The following SLC35F4 variants were observed in gnomAD, a reference collection of about 807,000 sequenced individuals.
SLC35F4 encodes the protein chromosome 14 open reading frame 36.
A neutral mutation model predicts 44.2 loss-of-function variants in SLC35F4; 24 were observed. The ratio of observed to expected loss-of-function variants is 0.54; its 90% CI spans 0.39 to 0.76. The LOEUF (loss-of-function observed/expected upper bound fraction) is 0.76. SLC35F4 is among the 30% of genes least tolerant of loss of function. The probability of loss-of-function intolerance (pLI) is 0.00; values close to 1 mark genes in which losing one functional copy is unlikely to be tolerated. For missense variants in SLC35F4, 562 were observed against 586.1 expected, an observed-to-expected ratio of 0.96 and a Z score of 0.42; for synonymous variants, 238 against 223.6, an observed-to-expected ratio of 1.06 and a Z score of -0.57.
chr14:57,647,726 A>G (rs1233542076), intron 1 of SLC35F4, among the ~76,000 whole-genome samples: 2 of 152,140 alleles, frequency 1.3e-5, no homozygotes, highest in Admixed American at 1.3e-4. Context: ...TATAAAATGC[A>G]GTTTTAGAAA....
chr14:57,745,309 G>A (rs1293904754), intron 1 of SLC35F4, among the ~76,000 whole-genome samples: 3 of 152,072 alleles, frequency 2.0e-5, no homozygotes, highest in Non-Finnish European at 4.4e-5. Context: ...CTACAGAAAG[G>A]GAGAAAATTT....
Position 57,840,465 on chromosome 14 carries a change from A to G in SLC35F4, c.103+25258T>C, listed in dbSNP as rs114008411. Among the ~76,000 whole-genome samples the G allele has an allele frequency of 3.6e-3, 544 of 152,330 alleles. 1 individual carries two copies. Among genetic ancestry groups the G allele is most frequent in the African/African-American group, 0.013 (526 of 41,564 alleles). On this transcript the variant is annotated intron_variant, in intron 1 of 7. Coordinates refer to ENST00000556826, the MANE Select transcript of SLC35F4 (RefSeq NM_001306087.2). Reference sequence around the variant, plus strand: ...TACCCAGCAACTTAATAAGATAAAGATTTCACTATCAGAAAATTAGGTTTT... The same window carrying G: ...TACCCAGCAACTTAATAAGATAAAGGTTTCACTATCAGAAAATTAGGTTTT...
intron 1 of SLC35F4, among the ~76,000 whole-genome samples, chr14:57,894,655 T>C (rs1199332377): frequency 1.3e-5 from 2 of 152,172 alleles, no homozygotes; most frequent in Admixed American, 1.3e-4. Flanking sequence ...CTAAAATGTA[T>C]TGCAGAATTT....
chr14:57,741,870 A>C (rs2076618074), intron 1 of SLC35F4, among the ~76,000 whole-genome samples: 3 of 152,206 alleles, frequency 2.0e-5, no homozygotes, highest in Admixed American at 6.5e-5. Context: ...CTAACAGCAG[A>C]TCTCTTGGTA....
chr14:57,962,252 C>G (rs947784738), intron 1 of SLC35F4, among the ~76,000 whole-genome samples: 2 of 151,908 alleles, frequency 1.3e-5, no homozygotes, highest in African/African-American at 4.8e-5. Context: ...ACTGAATGGA[C>G]CAAGAGTCCA....
At chr14:57,567,307 C>A (rs730651) in intron 6 of SLC35F4, among the ~76,000 whole-genome samples, 51,542 of 152,098 alleles carry the variant, frequency 0.34, 8,945 homozygotes, top group Admixed American at 0.4. Flanking sequence ...GCATTATTCT[C>A]ATAGAGTCTA....
intron 1 of SLC35F4, among the ~76,000 whole-genome samples, chr14:57,853,838 C>A (rs555928100): frequency 6.6e-5 from 10 of 152,266 alleles, no homozygotes; most frequent in African/African-American, 2.4e-4. Context: ...CAGCCTATAC[C>A]ATCTTACCCC....
At chr14:57,597,211 T>C (rs975650218) in intron 1 of SLC35F4, among the ~76,000 whole-genome samples, 1 of 152,180 alleles carries the variant, frequency 6.6e-6, no homozygotes, top group African/African-American at 2.4e-5. Flanking sequence ...ATGTTCTGAT[T>C]TTACTAAGTA....
intron 3 of SLC35F4, among the ~76,000 whole-genome samples, chr14:57,587,870 C>CAAAA (rs60521934): frequency 0.016 from 1,985 of 124,678 alleles, 34 homozygotes; most frequent in East Asian, 0.082. Context: ...ATGCACCTTC[C>CAAAA]AAAAAAAAAA....
At chr14:57,732,746 T>C (rs1349804775) in intron 1 of SLC35F4, among the ~76,000 whole-genome samples, 1 of 152,096 alleles carries the variant, frequency 6.6e-6, no homozygotes. Context: ...CTTATTATAG[T>C]TGGAAGGAAG....
chr14:57,689,443 A>G, intron 1 of SLC35F4, among the ~76,000 whole-genome samples: 1 of 152,188 alleles, frequency 6.6e-6, no homozygotes, highest in South Asian at 2.1e-4. Context: ...GGAATGAGGC[A>G]GCTATTCAAA....
intron 1 of SLC35F4, among the ~76,000 whole-genome samples, chr14:57,845,222 T>C (rs185772355): frequency 6.6e-6 from 1 of 152,310 alleles, no homozygotes; most frequent in East Asian, 1.9e-4. Context: ...TTACTCTCTC[T>C]AGTGGAGTAT....
At chr14:57,619,611 T>C (rs1214153396) in intron 1 of SLC35F4, among the ~76,000 whole-genome samples, 1 of 151,964 alleles carries the variant, frequency 6.6e-6, no homozygotes, top group Non-Finnish European at 1.5e-5. Context: ...AGGCTAAAAA[T>C]TCCAAAAACC....
chr14:57,874,818 G>A (rs970418193), intron 1 of SLC35F4, among the ~76,000 whole-genome samples: 11 of 152,168 alleles, frequency 7.2e-5, no homozygotes, highest in Admixed American at 5.2e-4. Context: ...TTGGTAGACA[G>A]AAGGAATGCC....
chr14:57,877,768 T>C (rs1268055874), intron 1 of SLC35F4, among the ~76,000 whole-genome samples: 1 of 133,358 alleles, frequency 7.5e-6, no homozygotes, highest in African/African-American at 2.7e-5. Context: ...CACTGCAACC[T>C]CTGCCTCCTG....
chr14:57,687,734 A>G (rs1433439732), intron 1 of SLC35F4, among the ~76,000 whole-genome samples: 11 of 152,110 alleles, frequency 7.2e-5, no homozygotes, highest in Admixed American at 2.0e-4. Flanking sequence ...TACCTCCTTT[A>G]CTGGCCTTAC....
intron 1 of SLC35F4, among the ~76,000 whole-genome samples, chr14:57,797,996 T>C (rs1286893002): frequency 1.3e-5 from 2 of 151,670 alleles, no homozygotes; most frequent in African/African-American, 2.4e-5. Context: ...AAATATACAA[T>C]AGGTCGTCAC....
chr14:57,620,172 A>C (rs1440164347), intron 1 of SLC35F4, among the ~76,000 whole-genome samples: 1 of 152,184 alleles, frequency 6.6e-6, no homozygotes, highest in Non-Finnish European at 1.5e-5. Flanking sequence ...CCAACATTCC[A>C]ATTCAGGAAA....
intron 1 of SLC35F4, among the ~76,000 whole-genome samples, chr14:57,971,377 T>C (rs73306411): frequency 0.045 from 6,780 of 152,274 alleles, 495 homozygotes; most frequent in African/African-American, 0.15. Context: ...ATCAAATAGA[T>C]TCAAACTAAT....
Sources: gnomAD v4.1 joint callset for allele counts (sites outside exome capture counted in the v4.1 genomes callset) on GRCh38, gnomAD v4.1.1 for gene constraint, MANE v1.5 for transcripts, NCBI Gene and HGNC (gene_info 2026-07-23, HGNC 2026-07-21) for gene names.